The following RTL5 variants were observed in gnomAD, a reference collection of about 807,000 sequenced individuals.
RTL5 encodes the protein retrotransposon Gag like 5.
In RTL5, 8 loss-of-function variants were observed where a neutral mutation model predicts 7.7. The observed-to-expected ratio is 1.04, with a 90% confidence interval of 0.61 to 1.88. The LOEUF (loss-of-function observed/expected upper bound fraction) is 1.88, where lower values mean the gene tolerates loss of function less well. Among genes scored for constraint, RTL5 ranks in the 40% most tolerant of loss-of-function variants. RTL5 has a pLI of 0.00. For missense variants in RTL5, 457 were observed against 472.7 expected (o/e 0.97, Z 0.31); for synonymous variants, 188 against 191.8 (o/e 0.98, Z 0.16).
At chrX:72,130,473 C>G (rs768655277) in exon 1 of RTL5, 5 of 1,210,844 alleles carry the variant, frequency 4.1e-6, no homozygotes, top group African/African-American at 1.7e-5. Context: ...TGGAGTGAAG[C>G]CTGTGCCTGC....
Sources: gnomAD v4.1 joint callset for allele counts on GRCh38, gnomAD v4.1.1 for gene constraint, MANE v1.5 for transcripts, NCBI Gene and HGNC (gene_info 2026-07-23, HGNC 2026-07-21) for gene names.